Variants in CPXM2 observed in about 807,000 individuals in gnomAD.
CPXM2 encodes carboxypeptidase X, M14 family member 2, also known as inactive carboxypeptidase-like protein X2.
A neutral mutation model predicts 86.1 loss-of-function variants in CPXM2; 66 were observed. The ratio of observed to expected loss-of-function variants is 0.77; its 90% CI spans 0.63 to 0.94. CPXM2 has a LOEUF of 0.94. Ranked by LOEUF, CPXM2 falls within the 40% of genes least tolerant of loss-of-function variation. The probability of loss-of-function intolerance (pLI) is 0.00; values close to 1 mark genes in which losing one functional copy is unlikely to be tolerated. For synonymous variants in CPXM2, 388 were observed against 400.2 expected (o/e 0.97, Z 0.36); for missense variants, 948 against 1,026.3 (o/e 0.92, Z 1.04).
chr10:123,750,751 C>G (rs1204989800), intron 13 of CPXM2: 1 of 985,320 alleles, frequency 1.0e-6, no homozygotes, highest in African/African-American at 1.7e-5. Context: ...TGGGTTCACA[C>G]AGTCAGAATG....
chr10:123,751,726 C>T (rs1846081250), intron 13 of CPXM2: 3 of 985,394 alleles, frequency 3.0e-6, no homozygotes, highest in Non-Finnish European at 2.4e-6. Context: ...CTTGTCAGAT[C>T]ACATAAACCT....
intron 4 of CPXM2, among the ~76,000 whole-genome samples, chr10:123,839,035 T>C (rs1489130878): frequency 6.6e-6 from 1 of 152,188 alleles, no homozygotes; most frequent in Non-Finnish European, 1.5e-5. Flanking sequence ...GAGAGAAGAA[T>C]CTATACCTAA....
At chr10:123,774,303 C>T (rs996491777) in intron 7 of CPXM2, among the ~76,000 whole-genome samples, 1 of 152,098 alleles carries the variant, frequency 6.6e-6, no homozygotes, top group African/African-American at 2.4e-5. Flanking sequence ...AGCGGGGTGG[C>T]GTGGAACTGA....
intron 11 of CPXM2, among the ~76,000 whole-genome samples, chr10:123,759,762 G>A (rs560956332): frequency 1.3e-5 from 2 of 152,308 alleles, no homozygotes; most frequent in South Asian, 2.1e-4. Flanking sequence ...ATGCTACCAC[G>A]ACACCTGCCT....
chr10:123,794,771 G>GTGTGTGTGT (rs1847292118), intron 6 of CPXM2, among the ~76,000 whole-genome samples: 4 of 143,008 alleles, frequency 2.8e-5, no homozygotes, highest in Non-Finnish European at 3.0e-5. Flanking sequence ...GTGTGTGTGC[G>GTGTGTGTGT]CATGTGTGTG....
chr10:123,934,767 C>T (rs748590576), intron 2 of CPXM2, among the ~76,000 whole-genome samples: 3 of 152,156 alleles, frequency 2.0e-5, no homozygotes, highest in Non-Finnish European at 2.9e-5. Flanking sequence ...GTGCAGGGCC[C>T]TTTCTCCCCA....
intron 2 of CPXM2, among the ~76,000 whole-genome samples, chr10:123,907,808 T>C (rs1052074900): frequency 4.6e-5 from 7 of 151,396 alleles, no homozygotes; most frequent in Non-Finnish European, 1.0e-4. Flanking sequence ...CCTGCCTTCA[T>C]GGAGCTTATT....
chr10:123,762,247 C>G, intron 10 of CPXM2, 78 bp from the exon 11 acceptor site: 2 of 1,585,554 alleles, frequency 1.3e-6, no homozygotes, highest in East Asian at 2.2e-5. Context: ...GGGACATAGT[C>G]GAAAAAGCAG....
chr10:123,922,875 G>A (rs1338024077), intron 2 of CPXM2, among the ~76,000 whole-genome samples: 3 of 152,166 alleles, frequency 2.0e-5, no homozygotes, highest in East Asian at 1.9e-4. Context: ...ATATTCACAC[G>A]AGGCCAACGT....
At chr10:123,789,239 G>A (rs1847145842) in intron 6 of CPXM2, among the ~76,000 whole-genome samples, 1 of 152,302 alleles carries the variant, frequency 6.6e-6, no homozygotes, top group Middle Eastern at 3.4e-3. Flanking sequence ...CTGATCCTGG[G>A]TCATCACTGT....
At chr10:123,880,145 T>TTGGCCCCCCCCCCC in intron 2 of CPXM2, 66 bp downstream of exon 2, 2 of 407,578 alleles carry the variant, frequency 4.9e-6, no homozygotes, top group Non-Finnish European at 9.6e-6. Context: ...CAGGGGCCTG[T>TTGGCCCCCCCCCCC]ACCCACCCAC....
intron 12 of CPXM2, among the ~76,000 whole-genome samples, chr10:123,755,030 C>T (rs1320597982): frequency 1.3e-5 from 2 of 152,234 alleles, no homozygotes; most frequent in Non-Finnish European, 2.9e-5. Flanking sequence ...TTAAAATGTG[C>T]CACTTATCCT....
intron 2 of CPXM2, among the ~76,000 whole-genome samples, chr10:123,921,983 C>T (rs746848817): frequency 2.6e-5 from 4 of 152,176 alleles, no homozygotes; most frequent in African/African-American, 4.8e-5. Context: ...TTTCCCTGCA[C>T]AACCCTTTGA....
chr10:123,750,322 G>A lies in CPXM2; in HGVS notation c.2018-3305C>T, dbSNP rs907116798. 5.1e-6 allele frequency: 5 copies of A among 982,608 alleles called. No individual in the cohort carries two copies. In the African/African-American group the frequency reaches 7.0e-5, roughly 14 times the overall value. The allele number at this position is 982,608 out of a possible 1,614,324, so 60.9% of individuals were successfully genotyped here. A position where few individuals can be genotyped will look rare whatever the true frequency, so the allele number is the denominator to read the frequency against. The stretch of plus-strand genomic sequence containing the variant: ...GCAAAACCCAACGCAGGTCCTGGGG[G>A]CCCCTTCCACATCATTGCACTCCAC... On this transcript the variant is annotated intron_variant, in intron 13 of 13. Coordinates refer to ENST00000241305, the MANE Select transcript of CPXM2 (RefSeq NM_198148.3).
chr10:123,914,787 G>A (rs1299868228), intron 2 of CPXM2, among the ~76,000 whole-genome samples: 3 of 152,056 alleles, frequency 2.0e-5, no homozygotes, highest in Non-Finnish European at 4.4e-5. Flanking sequence ...TCTTCAACAC[G>A]GATTTGCTTA....
chr10:123,906,603 C>T (rs903961624), intron 2 of CPXM2, among the ~76,000 whole-genome samples: 1 of 152,200 alleles, frequency 6.6e-6, no homozygotes, highest in Non-Finnish European at 1.5e-5. Context: ...ACTTAAACTG[C>T]AAATTCCTCA....
rs184142535 is a variant in CPXM2 at position 123,868,838 on chromosome 10, C to T, written c.404-6115G>A. Among the ~76,000 whole-genome samples the T allele has an allele frequency of 1.6e-4, 24 of 152,144 alleles. No homozygotes were observed. The East Asian group carries it at 4.3e-3, about 27-fold the overall frequency. ...CTGCATGGCACTTCCCGCAAATAAG[C>T]CCAGAGGACTCTGCCAGCCAAAGAA... On this transcript the variant is annotated intron_variant, in intron 2 of 13. Coordinates refer to ENST00000241305, the MANE Select transcript of CPXM2 (RefSeq NM_198148.3).
intron 3 of CPXM2, among the ~76,000 whole-genome samples, chr10:123,861,387 C>A (rs566998689): frequency 1.3e-5 from 2 of 152,298 alleles, no homozygotes; most frequent in African/African-American, 4.8e-5. Flanking sequence ...AAGAACAGAT[C>A]AGCAGGAGGT....
Position 123,865,783 on chromosome 10 carries a change from T to C in CPXM2, c.404-3060A>G, listed in dbSNP as rs879330397. 1.8e-4 allele frequency among the ~76,000 whole-genome samples: 28 copies of C among 152,318 alleles called. No homozygotes were observed. Among genetic ancestry groups the C allele is most frequent in the Non-Finnish European group, 4.0e-4 (27 of 68,026 alleles). ...GCAGGCTCGCCCAGCTTCTGAGTTA[T>C]GGGTTCTTCCAACTGCCTCCTCCTG... On this transcript the variant is annotated intron_variant, in intron 2 of 13. Coordinates refer to ENST00000241305, the MANE Select transcript of CPXM2 (RefSeq NM_198148.3). This position sits in a 1 kb window ranked among gnomAD's most constrained non-coding sequence, Gnocchi z 4.7.
Sources: allele counts gnomAD v4.1 joint callset (sites outside exome capture counted in the v4.1 genomes callset), GRCh38; gene constraint gnomAD v4.1.1; non-coding constraint Gnocchi (gnomAD v3.1); transcripts MANE v1.5; gene names NCBI Gene and HGNC (gene_info 2026-07-23, HGNC 2026-07-21).